Variants in SHISA3 observed in about 807,000 individuals in gnomAD.
SHISA3 encodes protein shisa-3 homolog.
SHISA3 carries 15 observed loss-of-function variants against 19.2 expected under a neutral mutation model. The observed-to-expected ratio is 0.78, with a 90% CI of 0.52 to 1.20. The LOEUF (loss-of-function observed/expected upper bound fraction) is 1.20. Ranked by LOEUF, SHISA3 falls within the 50% of genes most tolerant of loss-of-function variation. The pLI, the probability that SHISA3 is intolerant of heterozygous loss-of-function variation, is 0.00. For missense variants in SHISA3, 327 were observed against 315.7 expected (o/e 1.04, Z -0.27); for synonymous variants, 145 against 135.2 (o/e 1.07, Z -0.50).
rs1017037143 is a variant in SHISA3, at chr4:42,401,915, A to C, written c.*464A>C. The C allele has an allele frequency of 6.5e-6, 1 of 153,662 alleles. No homozygotes were observed. Among genetic ancestry groups the C allele is most frequent in the African/African-American group, 2.4e-5 (1 of 41,488 alleles). 9.5% of individuals were successfully genotyped at this position (153,662 alleles called of 1,614,324 possible). On this transcript the variant is annotated 3_prime_UTR_variant, in exon 2 of 2. Transcript: ENST00000319234. ...AAAAAATTAACTATTAGGTAAACTTAAGGGGGCAGTGAAAAATCTATTTAT... is the reference window on the plus strand; with the variant it reads ...AAAAAATTAACTATTAGGTAAACTTCAGGGGGCAGTGAAAAATCTATTTAT...
In SHISA3 at chr4:42,398,266, C is replaced by A. The variant is rs546175044; in HGVS notation, c.210C>A (p.Asp70Glu). The change falls in exon 1 of 2, where the codon GAC becomes GAA. Residue 70 changes from aspartate (D) to glutamate (E), a missense_variant. Transcript: ENST00000319234. The stretch of plus-strand genomic sequence containing the variant: ...TCCGCTACTGTTGCGCCGCGGCCGA[C>A]GCCAGGCTGGAGCAGGGCGGCTGCA... ...CALRYCCAAA[D>E]ARLEQGGCTN... 3 of 1,568,682 alleles carry A rather than the reference C, an allele frequency of 1.9e-6. No individual in the cohort carries two copies. The Admixed American group carries it at 5.6e-5, about 29-fold the overall frequency.
intron 1 of SHISA3, among the ~76,000 whole-genome samples, chr4:42,399,342 C>T (rs551712569): frequency 3.2e-4 from 48 of 152,226 alleles, no homozygotes; most frequent in Non-Finnish European, 5.1e-4. Context: ...ACAGGGGAGT[C>T]TGCCCTCCAT....
rs1711944795 is a variant in SHISA3 at position 42,402,260 on chromosome 4, AT to A, written c.*812del. 6.6e-6 allele frequency: 1 copy of A among 152,216 alleles called. No homozygotes were observed. Among genetic ancestry groups the A allele is most frequent in the Non-Finnish European group, 1.5e-5 (1 of 68,032 alleles). 9.4% of individuals were successfully genotyped at this position (152,216 alleles called of 1,614,324 possible). A position where few individuals can be genotyped will look rare whatever the true frequency, so the allele number is the denominator to read the frequency against. On this transcript the variant is annotated 3_prime_UTR_variant, in exon 2 of 2. Transcript: ENST00000319234. ...AAATGAGCTATGTTCAAATGTAAAT[AT>A]TTGTAATTTAATGTATTTACCACAT...
intron 1 of SHISA3, among the ~76,000 whole-genome samples, chr4:42,400,316 T>A (rs1711870717): frequency 6.6e-6 from 1 of 152,148 alleles, no homozygotes; most frequent in African/African-American, 2.4e-5. Flanking sequence ...TGCCTGGTGA[T>A]CTATCTAAAG....
intron 1 of SHISA3, among the ~76,000 whole-genome samples, chr4:42,398,949 C>A (rs1471667800): frequency 5.3e-5 from 8 of 152,172 alleles, no homozygotes; most frequent in Non-Finnish European, 1.0e-4. Context: ...TTCAGAAATG[C>A]CCAGGTCTTC....
Position 42,401,201 on chromosome 4 carries a change from G to A in SHISA3, c.467G>A (p.Arg156Lys). ...ATGATCCTGACCTCCACCAGCCCCA[G>A]GGCACCCTCCCGGCAGTCCAGCACA... ...LPMILTSTSP[R>K]APSRQSSTAT... Residue 156 changes from arginine (R) to lysine (K), a missense_variant, in exon 2 of 2, where the codon AGG (arginine) becomes AAG (lysine). Physicochemically the swap from Arg to Lys is conservative, Grantham distance 26. Transcript: ENST00000319234. 1 of 1,614,152 alleles carries A rather than the reference G, an allele frequency of 6.2e-7. No individual in the cohort carries two copies. The highest frequency in any genetic ancestry group is 1.1e-5 in the South Asian group (1 of 91,080).
Position 42,401,374 on chromosome 4 carries a change from C to T in SHISA3, c.640C>T (p.Pro214Ser), listed in dbSNP as rs1391657705. The T allele has an allele frequency of 1.9e-6, 3 of 1,613,976 alleles. No homozygotes were observed. The highest frequency in any genetic ancestry group is 2.5e-6 in the Non-Finnish European group (3 of 1,179,934). Residue 214 changes from proline (P) to serine (S), a missense_variant, in exon 2 of 2, where the codon CCC becomes TCC. Transcript: ENST00000319234. ...LAQPSGFLVS[P>S]QYFAYPLQQE... ...TCAGCCATCTGGTTTCCTGGTGTCA[C>T]CCCAGTATTTCGCTTACCCCCTCCA...
Position 42,398,105 on chromosome 4 carries a change from G to A in SHISA3, c.49G>A (p.Gly17Ser). Residue 17 changes from glycine (G) to serine (S), a missense_variant, in exon 1 of 2, where the codon GGC (glycine) becomes AGC (serine). Coordinates refer to ENST00000319234, the MANE Select transcript of SHISA3 (RefSeq NM_001080505.3). ...CCTTCTCCTTGGCTGGCTGCGCTGG[G>A]GCCCGGCGGGCGCCCAGCAGTCCGG... is the stretch of plus-strand genomic sequence containing the variant. ...LCLLLGWLRW[G>S]PAGAQQSGEY... 6.2e-7 allele frequency: 1 copy of A among 1,602,356 alleles called. No homozygotes were observed. Among genetic ancestry groups the A allele is most frequent in the East Asian group, 2.3e-5 (1 of 44,224 alleles).
chr4:42,400,628 C>G (rs1046212443), intron 1 of SHISA3, among the ~76,000 whole-genome samples: 4 of 152,278 alleles, frequency 2.6e-5, no homozygotes, highest in Middle Eastern at 3.4e-3. Flanking sequence ...TCTCTTACTG[C>G]TCACCGTGAT....
In SHISA3 at chr4:42,401,597, A is replaced by T; in HGVS notation, c.*146A>T. 1.2e-6 allele frequency: 1 copy of T among 822,402 alleles called. No homozygotes were observed. The highest frequency in any genetic ancestry group is 1.8e-6 in the Non-Finnish European group (1 of 549,168). The allele number at this position is 822,402 out of a possible 1,614,324, so 50.9% of individuals were successfully genotyped here. ...TGCTAGGAAAACACAGCACCTTCTA[A>T]TTTGAAAGTTCCTGTCTCCAATCAC... On this transcript the variant is annotated 3_prime_UTR_variant, in exon 2 of 2. Coordinates refer to ENST00000319234, the MANE Select transcript of SHISA3 (RefSeq NM_001080505.3).
intron 1 of SHISA3, among the ~76,000 whole-genome samples, chr4:42,398,763 G>A (rs1450309271): frequency 6.6e-6 from 1 of 152,172 alleles, no homozygotes; most frequent in African/African-American, 2.4e-5. Context: ...CCGAATGCAG[G>A]GAATCGCGAC....
chr4:42,401,162 CA>C lies in SHISA3; in HGVS notation c.429del (p.Glu144ArgfsTer5). 6.2e-7 allele frequency: 1 copy of C among 1,614,250 alleles called. No homozygotes were observed. ...CGCTTCTCACTCCGCAGCTATCAGA[CA>C]GAGACCCTGCCCATGATCCTGACCT... The part of the protein sequence containing the change: ...PIRFSLRSYQ[T>X]ETLPMILTST... On this transcript the variant is annotated frameshift_variant, in exon 2 of 2. Coordinates refer to ENST00000319234, the MANE Select transcript of SHISA3 (RefSeq NM_001080505.3). LOFTEE classifies it high-confidence loss of function.
intron 1 of SHISA3, among the ~76,000 whole-genome samples, chr4:42,399,581 G>C (rs1328822901): frequency 6.6e-6 from 1 of 152,232 alleles, no homozygotes; most frequent in Non-Finnish European, 1.5e-5. Flanking sequence ...GGCTTCCTCT[G>C]CGCTCCCTAC....
chr4:42,398,174 G>C lies in SHISA3; in HGVS notation c.118G>C (p.Glu40Gln), dbSNP rs1711800984. The change falls in exon 1 of 2, where the codon GAG (glutamate) becomes CAG (glutamine). Residue 40 changes from glutamate (E) to glutamine (Q), a missense_variant. Physicochemically the swap from Glu to Gln is conservative, Grantham distance 29. Coordinates refer to ENST00000319234, the MANE Select transcript of SHISA3 (RefSeq NM_001080505.3). Reference protein sequence around the residue: ...GWVDVQGNYHEGFQCPEDFDT... With the variant: ...GWVDVQGNYHQGFQCPEDFDT... ...GGTGGACGTGCAGGGCAACTACCAC[G>C]AGGGCTTCCAGTGCCCAGAGGACTT... 1 of 1,606,954 alleles carries C rather than the reference G, an allele frequency of 6.2e-7. No homozygotes were observed. The highest frequency in any genetic ancestry group is 1.7e-5 in the Admixed American group (1 of 59,368).
chr4:42,402,465 A>T lies in SHISA3; in HGVS notation c.*1014A>T, dbSNP rs1050540760. The T allele has an allele frequency of 4.6e-5, 7 of 152,164 alleles. No homozygotes were observed. Among genetic ancestry groups the T allele is most frequent in the Non-Finnish European group, 1.0e-4 (7 of 68,032 alleles). The allele number at this position is 152,164 out of a possible 1,614,324, so 9.4% of individuals were successfully genotyped here. ...CTTGTTGGATTAGAATAAATAAAAC[A>T]CTTTATATTTTCATGAACTCTATTT... On this transcript the variant is annotated 3_prime_UTR_variant, in exon 2 of 2. Coordinates refer to ENST00000319234, the MANE Select transcript of SHISA3 (RefSeq NM_001080505.3).
rs1711944958 is a variant in SHISA3, at chr4:42,402,269, T to C, written c.*818T>C. On this transcript the variant is annotated 3_prime_UTR_variant, in exon 2 of 2. Coordinates refer to ENST00000319234, the MANE Select transcript of SHISA3 (RefSeq NM_001080505.3). ...ATGTTCAAATGTAAATATTTGTAAT[T>C]TAATGTATTTACCACATTGACTGTA... 6.6e-6 allele frequency: 1 copy of C among 152,200 alleles called. No homozygotes were observed. Among genetic ancestry groups the C allele is most frequent in the South Asian group, 2.1e-4 (1 of 4,832 alleles). The allele number at this position is 152,200 out of a possible 1,614,324, so 9.4% of individuals were successfully genotyped here.
At chr4:42,400,985 C>CT in intron 1 of SHISA3, 27 bp from the exon 2 acceptor site, 2 of 1,604,014 alleles carry the variant, frequency 1.2e-6, no homozygotes, top group South Asian at 2.2e-5. Flanking sequence ...ATCTGAGCAT[C>CT]TGTTTATGTC....
Position 42,401,437 on chromosome 4 carries a change from T to C in SHISA3, c.703T>C (p.Phe235Leu), listed in dbSNP as rs756716974. 1 of 1,576,146 alleles carries C rather than the reference T, an allele frequency of 6.3e-7. No individual in the cohort carries two copies. Among genetic ancestry groups the C allele is most frequent in the Admixed American group, 1.8e-5 (1 of 55,826 alleles). ...ACTGCCTGGGAAGAGCTGTCCAGAC[T>C]TCAGTTCCAGTTGACACGCCCAGGC... ...PPLPGKSCPD[F>L]SSS Residue 235 changes from phenylalanine (F) to leucine (L), a missense_variant, in exon 2 of 2, where the codon TTC becomes CTC. Phe to Leu is a conservative substitution (Grantham distance 22). Transcript: ENST00000319234.
intron 1 of SHISA3, among the ~76,000 whole-genome samples, chr4:42,399,570 G>A (rs141834880): frequency 3.3e-4 from 50 of 152,316 alleles, no homozygotes; most frequent in African/African-American, 1.0e-3. Flanking sequence ...TCTGCAGCAC[G>A]GGCTTCCTCT....
Sources: allele counts gnomAD v4.1 joint callset (sites outside exome capture counted in the v4.1 genomes callset), GRCh38; gene constraint gnomAD v4.1.1; transcripts MANE v1.5; gene names NCBI Gene and HGNC (gene_info 2026-07-23, HGNC 2026-07-21).